MTCL1: variants seen among roughly 807,000 people sequenced by gnomAD.
The protein encoded by MTCL1 is microtubule crosslinking factor 1, also known as microtubule cross-linking factor 1.
Under a neutral mutation model 141.4 loss-of-function variants are expected in MTCL1, and 79 were observed. The ratio of observed to expected loss-of-function variants is 0.56; its 90% confidence interval spans 0.47 to 0.67. The LOEUF is 0.67. Ranked by LOEUF, MTCL1 falls within the 30% of genes least tolerant of loss-of-function variation. The pLI is 0.00. For synonymous variants in MTCL1, 914 were observed against 875.8 expected (o/e 1.04, Z -0.77); for missense variants, 2,177 against 2,113.9 (o/e 1.03, Z -0.59).
chr18:8,804,153 A>T (rs1043798218), intron 10 of MTCL1, among the ~76,000 whole-genome samples: 1 of 152,268 alleles, frequency 6.6e-6, no homozygotes, highest in East Asian at 1.9e-4. Context: ...CTACCACAAA[A>T]TGTATGTGAT....
chr18:8,721,734 A>G (rs1318656339), intron 4 of MTCL1, among the ~76,000 whole-genome samples: 1 of 152,046 alleles, frequency 6.6e-6, no homozygotes, highest in Non-Finnish European at 1.5e-5. Context: ...TTATTTGTCT[A>G]TTGTCACCGC....
At chr18:8,770,268 A>G (rs2096479834) in intron 4 of MTCL1, among the ~76,000 whole-genome samples, 1 of 152,330 alleles carries the variant, frequency 6.6e-6, no homozygotes, top group South Asian at 2.1e-4. Context: ...GTAATAACAT[A>G]TGCCTCCCCA....
At chr18:8,706,775 G>A in intron 1 of MTCL1, 62 bp downstream of exon 1, 1 of 1,530,172 alleles carries the variant, frequency 6.5e-7, no homozygotes, top group East Asian at 2.5e-5. Context: ...CTGCGGCGGG[G>A]ACCCGCCAAC....
intron 15 of MTCL1, among the ~76,000 whole-genome samples, chr18:8,827,581 A>G (rs1423850598): frequency 1.3e-5 from 2 of 152,190 alleles, no homozygotes; most frequent in East Asian, 3.9e-4. Context: ...TCTTTGGGCT[A>G]CTGTTACCCC....
intron 4 of MTCL1, among the ~76,000 whole-genome samples, chr18:8,731,546 C>T (rs1232617764): frequency 6.6e-6 from 1 of 152,016 alleles, no homozygotes; most frequent in Non-Finnish European, 1.5e-5. Flanking sequence ...CGCACTCCAG[C>T]CTGGGGGGCA....
intron 7 of MTCL1, among the ~76,000 whole-genome samples, chr18:8,791,005 A>T (rs1291163009): frequency 6.6e-6 from 1 of 152,102 alleles, no homozygotes; most frequent in African/African-American, 2.4e-5. Context: ...ACAGAGCGAG[A>T]CCCTGTCTCA....
Position 8,830,746 on chromosome 18 carries a change from C to A in MTCL1, c.*19-861C>A. ...TGCTGGGCAACTCAGTTTTCTCATGCCACAGCTTTTTACATTTCTGTGTAT... is the reference window on the plus strand; with the variant it reads ...TGCTGGGCAACTCAGTTTTCTCATGACACAGCTTTTTACATTTCTGTGTAT... On this transcript the variant is annotated intron_variant, in intron 16 of 16. Coordinates refer to ENST00000359865, the Ensembl canonical transcript of MTCL1. This position sits in a 1 kb window ranked among gnomAD's most constrained non-coding sequence, Gnocchi z 6.4. The A allele has an allele frequency of 2.0e-6, 2 of 985,440 alleles. No homozygotes were observed. The highest frequency in any genetic ancestry group is 2.4e-6 in the Non-Finnish European group (2 of 829,940). 61.0% of individuals were successfully genotyped at this position (985,440 alleles called of 1,614,324 possible).
intron 1 of MTCL1, among the ~76,000 whole-genome samples, chr18:8,711,224 A>T (rs1410391761): frequency 6.7e-6 from 1 of 148,176 alleles, no homozygotes; most frequent in African/African-American, 2.5e-5. Flanking sequence ...TGAACTCATC[A>T]TTTTTTATGG....
chr18:8,765,720 C>T (rs886447681), intron 4 of MTCL1, among the ~76,000 whole-genome samples: 5 of 152,268 alleles, frequency 3.3e-5, no homozygotes, highest in African/African-American at 1.2e-4. Flanking sequence ...ATAATAAAAT[C>T]GAGAACCGAA....
rs1486125417 is a variant in MTCL1, at chr18:8,821,453, T to C, written c.3157-14T>C. 4.8e-6 allele frequency: 7 copies of C among 1,446,950 alleles called. No individual in the cohort carries two copies. The highest frequency in any genetic ancestry group is 6.7e-6 in the Non-Finnish European group (7 of 1,038,668). 89.6% of individuals were successfully genotyped at this position (1,446,950 alleles called of 1,614,324 possible). A position where few individuals can be genotyped will look rare whatever the true frequency, so the allele number is the denominator to read the frequency against. On this transcript the variant is annotated splice_polypyrimidine_tract_variant and intron_variant, in intron 13 of 16. Coordinates refer to ENST00000359865, the Ensembl canonical transcript of MTCL1. The stretch of plus-strand genomic sequence containing the variant: ...AAATTAACCGATTCAGATGAAGTTA[T>C]TTCTTCTTTATAGGAAGAAGAAAAT...
At chr18:8,789,060 C>T (rs1359122260) in intron 7 of MTCL1, among the ~76,000 whole-genome samples, 7 of 152,328 alleles carry the variant, frequency 4.6e-5, no homozygotes, top group South Asian at 2.1e-4. Context: ...CATGCACGGA[C>T]GCTGGTCAGA....
At chr18:8,768,791 T>C (rs1381815333) in intron 4 of MTCL1, among the ~76,000 whole-genome samples, 1 of 142,176 alleles carries the variant, frequency 7.0e-6, no homozygotes, top group Non-Finnish European at 1.5e-5. Context: ...TTTCTTCTCT[T>C]TTTTTTTTTT....
chr18:8,730,754 G>A (rs376705917), intron 4 of MTCL1, among the ~76,000 whole-genome samples: 2 of 152,308 alleles, frequency 1.3e-5, no homozygotes, highest in Middle Eastern at 3.4e-3. Flanking sequence ...TACCTTGGAC[G>A]CAGCGATGCT....
intron 10 of MTCL1, among the ~76,000 whole-genome samples, chr18:8,803,168 AAAAAAG>A (rs2076178089): frequency 6.6e-6 from 1 of 151,926 alleles, no homozygotes; most frequent in African/African-American, 2.4e-5. Context: ...TTAAAAAAAA[AAAAAAG>A]AAGAAGAAAA....
At chr18:8,782,522 C>A (rs1020935808) in intron 5 of MTCL1, 8 of 152,168 alleles carry the variant, frequency 5.3e-5, no homozygotes, top group African/African-American at 1.7e-4. Flanking sequence ...CAAAAAGTGC[C>A]GTTTTGACCT....
chr18:8,783,439 C>A, intron 5 of MTCL1, 91 bp from the exon 5 acceptor site: 2 of 1,161,648 alleles, frequency 1.7e-6, no homozygotes, highest in Non-Finnish European at 2.4e-6. Flanking sequence ...TGTTTGTGTG[C>A]ATTGGGGGCG....
At chr18:8,748,501 C>T (rs2096353123) in intron 4 of MTCL1, among the ~76,000 whole-genome samples, 1 of 152,000 alleles carries the variant, frequency 6.6e-6, no homozygotes. Flanking sequence ...GATAATTGTG[C>T]CACTGCATTC....
intron 15 of MTCL1, among the ~76,000 whole-genome samples, chr18:8,827,707 C>T (rs114517175): frequency 1.6e-3 from 241 of 152,294 alleles, no homozygotes; most frequent in African/African-American, 5.4e-3. Flanking sequence ...TGTCACAAAG[C>T]ATTAACCGGC....
intron 7 of MTCL1, chr18:8,786,618 C>A (rs183057083): frequency 9.0e-6 from 3 of 332,010 alleles, no homozygotes; most frequent in African/African-American, 2.2e-5. Context: ...CACAGTAACC[C>A]GGTATACACA....
Sources: gnomAD v4.1 joint callset for allele counts (sites outside exome capture counted in the v4.1 genomes callset) on GRCh38, gnomAD v4.1.1 for gene constraint, Gnocchi (gnomAD v3.1) non-coding constraint, MANE v1.5 for transcripts, NCBI Gene and HGNC (gene_info 2026-07-23, HGNC 2026-07-21) for gene names.